RUVBL2: variants seen among roughly 807,000 people sequenced by gnomAD.
RUVBL2 encodes ruvB-like 2.
RUVBL2 carries 9 observed loss-of-function variants against 57.9 expected under a neutral mutation model. That is an observed-to-expected ratio of 0.16 (90% confidence interval 0.09 to 0.27). The LOEUF (loss-of-function observed/expected upper bound fraction) is 0.27, where lower values mean the gene tolerates loss of function less well. RUVBL2 is among the 10% of genes least tolerant of loss of function. The pLI is 1.00. For missense variants in RUVBL2, 456 were observed against 669.6 expected (o/e 0.68, Z 3.52); for synonymous variants, 278 against 264.6 (o/e 1.05, Z -0.49).
At chr19:48,998,145 A>G (rs780189885) in intron 1 of RUVBL2, among the ~76,000 whole-genome samples, 1 of 152,212 alleles carries the variant, frequency 6.6e-6, no homozygotes, top group Non-Finnish European at 1.5e-5. Flanking sequence ...CTGAATGTCT[A>G]GAGGTCCTAG....
chr19:48,997,996 C>G (rs114462649), intron 1 of RUVBL2, among the ~76,000 whole-genome samples: 1 of 152,170 alleles, frequency 6.6e-6, no homozygotes, highest in African/African-American at 2.4e-5. Flanking sequence ...CATTGAGTCC[C>G]GAGGTGAACA....
At chr19:49,004,481 T>A in intron 4 of RUVBL2, 63 bp downstream of exon 4, 1 of 1,521,010 alleles carries the variant, frequency 6.6e-7, no homozygotes, top group Non-Finnish European at 8.9e-7. Flanking sequence ...CCTGTGTAAG[T>A]CAGGGTCAGG....
chr19:48,998,107 C>T (rs995051432), intron 1 of RUVBL2, among the ~76,000 whole-genome samples: 15 of 152,214 alleles, frequency 9.9e-5, no homozygotes, highest in Admixed American at 9.2e-4. Context: ...ACAGGGAGAT[C>T]GGGCTCCCAG....
chr19:49,015,933 C>T lies in RUVBL2; in HGVS notation c.*91C>T. On this transcript the variant is annotated 3_prime_UTR_variant, in exon 15 of 15. Coordinates refer to ENST00000595090, the MANE Select transcript of RUVBL2 (RefSeq NM_006666.3). ...AAATGGTTGGGAAGCTGCACCCACC[C>T]TGTGTATGTGTGGTTGCCCTGAGCC... 6.2e-7 allele frequency: 1 copy of T among 1,614,122 alleles called. No homozygotes were observed. The highest frequency in any genetic ancestry group is 1.7e-5 in the Admixed American group (1 of 60,032).
Position 49,015,867 on chromosome 19 carries a change from C to T in RUVBL2, c.*25C>T, listed in dbSNP as rs1208483675. On this transcript the variant is annotated 3_prime_UTR_variant, in exon 15 of 15. Coordinates refer to ENST00000595090, the MANE Select transcript of RUVBL2 (RefSeq NM_006666.3). ...AGTTGGATGTCATCCCCCGACCCCA[C>T]CCTGTTTTCCACCAGAGTTCTGACA... The T allele has an allele frequency of 1.3e-5, 21 of 1,614,068 alleles. No homozygotes were observed. Among genetic ancestry groups the T allele is most frequent in the Non-Finnish European group, 1.8e-5 (21 of 1,180,020 alleles).
At position 49,015,809 on chromosome 19, in the gene RUVBL2, C is replaced by T. The variant is rs1281555459; in HGVS notation, c.1367-8C>T. The T allele has an allele frequency of 1.2e-6, 2 of 1,612,176 alleles. No homozygotes were observed. The highest frequency in any genetic ancestry group is 2.2e-5 in the East Asian group (1 of 44,882). The stretch of plus-strand genomic sequence containing the variant: ...ACACTGACCATGTGGCCTTCCTTCT[C>T]CCCACAGAAGGCGAGACCATGGACA... On this transcript the variant is annotated splice_region_variant and splice_polypyrimidine_tract_variant and intron_variant, in intron 14 of 14. Coordinates refer to ENST00000595090, the MANE Select transcript of RUVBL2 (RefSeq NM_006666.3).
Position 49,015,176 on chromosome 19 carries a change from G to A in RUVBL2, c.1251+26G>A, listed in dbSNP as rs762691959. On this transcript the variant is annotated intron_variant, in intron 13 of 14. Transcript: ENST00000595090. ...GTCAGCCGGCCGAATTAGCCAGCAG[G>A]GCCAGATGGCGGCAGTGAGTGACAC... 3 of 1,597,776 alleles carry A rather than the reference G, an allele frequency of 1.9e-6. No homozygotes were observed. In the Admixed American group the frequency reaches 5.0e-5, roughly 27 times the overall value.
Position 49,015,574 on chromosome 19 carries a change from T to G in RUVBL2, c.1254T>G (p.Gly418=). 6.2e-7 allele frequency: 1 copy of G among 1,612,842 alleles called. No individual in the cohort carries two copies. The highest frequency in any genetic ancestry group is 8.5e-7 in the Non-Finnish European group (1 of 1,179,072). Residue 418 remains glycine (G), a splice_region_variant and synonymous_variant, in exon 14 of 15, where the codon GGT becomes GGG. Coordinates refer to ENST00000595090, the MANE Select transcript of RUVBL2 (RefSeq NM_006666.3). ...AASLVCRKRK[G]TEVQVDDIKR... is the part of the protein sequence containing the mutation. ...GAGGACTCGCCCTCCCCCTCCAGGG[T>G]ACAGAAGTGCAGGTGGATGACATCA...
Position 49,015,015 on chromosome 19 carries a change from T to A in RUVBL2, c.1122-6T>A. ...CTGAGCCACCCCTGTCCCCCACTGC[T>A]TGCAGGTGCGAGGAAGAAGATGTGG... On this transcript the variant is annotated splice_region_variant and splice_polypyrimidine_tract_variant and intron_variant, in intron 12 of 14. Coordinates refer to ENST00000595090, the MANE Select transcript of RUVBL2 (RefSeq NM_006666.3). 1 of 1,593,670 alleles carries A rather than the reference T, an allele frequency of 6.3e-7. No individual in the cohort carries two copies.
intron 1 of RUVBL2, chr19:48,994,243 T>C (rs1350008320): frequency 2.1e-5 from 10 of 474,296 alleles, no homozygotes; most frequent in African/African-American, 1.6e-4. Context: ...CAGTGTGTGA[T>C]GAGGAGGGTT....
intron 11 of RUVBL2, among the ~76,000 whole-genome samples, chr19:49,012,875 A>G (rs2039459224): frequency 6.6e-6 from 1 of 150,690 alleles, no homozygotes; most frequent in South Asian, 2.1e-4. Context: ...ACACACACAC[A>G]CACACACACC....
intron 1 of RUVBL2, among the ~76,000 whole-genome samples, chr19:48,998,609 T>C (rs1056294922): frequency 6.6e-6 from 1 of 151,610 alleles, no homozygotes; most frequent in Admixed American, 6.6e-5. Context: ...CTCAGGAGGC[T>C]GAGGCGGGAG....
chr19:49,000,655 A>C (rs1265376400), intron 2 of RUVBL2, among the ~76,000 whole-genome samples: 1 of 152,072 alleles, frequency 6.6e-6, no homozygotes, highest in Non-Finnish European at 1.5e-5. Context: ...ACCTGAAGTC[A>C]GGAGTTTGAG....
intron 2 of RUVBL2, among the ~76,000 whole-genome samples, chr19:49,000,498 G>T (rs1221845061): frequency 1.3e-5 from 2 of 152,184 alleles, no homozygotes; most frequent in Non-Finnish European, 2.9e-5. Flanking sequence ...AGGTTGCAGT[G>T]AGCCAAGATC....
intron 12 of RUVBL2, 148 bp from the exon 13 acceptor site, chr19:49,014,873 G>A: frequency 4.9e-6 from 6 of 1,223,220 alleles, no homozygotes; most frequent in Non-Finnish European, 5.6e-6. Flanking sequence ...CTGTCTCCGT[G>A]GCTCTTCTAG....
rs775997722 is a variant in RUVBL2 at position 49,009,963 on chromosome 19, C to T, written c.570-10C>T. 1.9e-6 allele frequency: 3 copies of T among 1,605,262 alleles called. No homozygotes were observed. The highest frequency in any genetic ancestry group is 2.6e-6 in the Non-Finnish European group (3 of 1,174,280). On this transcript the variant is annotated splice_polypyrimidine_tract_variant and intron_variant, in intron 7 of 14. Transcript: ENST00000595090. ...TTCCTTTCCTTACCCTACCCCCCAT[C>T]CCCCTGTAGGGACGTGATCACCATC...
At chr19:49,005,462 G>A (rs899283409) in intron 4 of RUVBL2, among the ~76,000 whole-genome samples, 2 of 152,106 alleles carry the variant, frequency 1.3e-5, no homozygotes, top group Non-Finnish European at 2.9e-5. Context: ...GTAGGAAAAC[G>A]GGGCATGTGG....
intron 12 of RUVBL2, 29 bp downstream of exon 12, chr19:49,014,632 A>G: frequency 6.2e-7 from 1 of 1,613,086 alleles, no homozygotes. Flanking sequence ...CGTGCGCCTG[A>G]GACGCAGGGC....
chr19:49,008,654 G>C (rs2039334603), intron 6 of RUVBL2, among the ~76,000 whole-genome samples: 1 of 151,962 alleles, frequency 6.6e-6, no homozygotes, highest in African/African-American at 2.4e-5. Context: ...AAACGAGCCT[G>C]ACTAACATGG....
Sources: allele counts gnomAD v4.1 joint callset (sites outside exome capture counted in the v4.1 genomes callset), GRCh38; gene constraint gnomAD v4.1.1; transcripts MANE v1.5; gene names NCBI Gene and HGNC (gene_info 2026-07-23, HGNC 2026-07-21).